FCRL4: variants seen among roughly 807,000 people sequenced by gnomAD.
FCRL4 encodes Fc receptor-like protein 4.
A neutral mutation model predicts 64.1 loss-of-function variants in FCRL4; 43 were observed. The ratio of observed to expected loss-of-function variants is 0.67; its 90% confidence interval spans 0.53 to 0.87. The LOEUF (loss-of-function observed/expected upper bound fraction) is 0.87. Among genes scored for constraint, FCRL4 ranks in the 40% least tolerant of loss-of-function variants. FCRL4 has a pLI of 0.00. For missense variants in FCRL4, 656 were observed against 613.5 expected, an observed-to-expected ratio of 1.07 and a Z score of -0.73; for synonymous variants, 253 against 239.8, an observed-to-expected ratio of 1.05 and a Z score of -0.51.
intron 2 of FCRL4, among the ~76,000 whole-genome samples, chr1:157,590,325 C>T (rs1435720660): frequency 1.3e-5 from 2 of 151,998 alleles, no homozygotes; most frequent in Non-Finnish European, 1.5e-5. Context: ...ATGAAATGCT[C>T]CAATGAGCAT....
chr1:157,590,678 C>A (rs537542828), intron 2 of FCRL4, among the ~76,000 whole-genome samples: 57 of 152,106 alleles, frequency 3.7e-4, no homozygotes, highest in African/African-American at 1.3e-3. Flanking sequence ...CCACCACACC[C>A]AGCTAATTTT....
At chr1:157,596,132 T>C (rs1571146813) in intron 2 of FCRL4, among the ~76,000 whole-genome samples, 196 bp downstream of exon 2, 1 of 152,072 alleles carries the variant, frequency 6.6e-6, no homozygotes, top group Admixed American at 6.6e-5. Context: ...ACAATGGCAG[T>C]TTTGGTTTAA....
In FCRL4 at chr1:157,586,433, G is replaced by A. The variant is rs370548436; in HGVS notation, c.870C>T (p.Leu290=). ...GGCCCCCTGAGGGCTGGGTCTCCAG[G>A]AGCACCCCAGACACAGGGATCCCTA... ...HVQRIPVSGV[L]LETQPSGGQA... The change falls in exon 6 of 12, where the codon CTC becomes CTT. Residue 290 remains leucine (L), a synonymous_variant. Coordinates refer to ENST00000271532, the MANE Select transcript of FCRL4 (RefSeq NM_031282.3). 1 of 1,610,462 alleles carries A rather than the reference G, an allele frequency of 6.2e-7. No individual in the cohort carries two copies. The highest frequency in any genetic ancestry group is 1.3e-5 in the African/African-American group (1 of 75,010).
chr1:157,595,626 A>G (rs1652944305), intron 2 of FCRL4, among the ~76,000 whole-genome samples: 1 of 152,202 alleles, frequency 6.6e-6, no homozygotes, highest in Non-Finnish European at 1.5e-5. Context: ...GCCAAGTTAT[A>G]ATCTTGTCTC....
intron 6 of FCRL4, 83 bp downstream of exon 6, chr1:157,586,085 C>A (rs943646935): frequency 2.3e-5 from 31 of 1,348,812 alleles, no homozygotes; most frequent in Non-Finnish European, 3.1e-5. Flanking sequence ...ACAGCAGAGT[C>A]ACAGGGTAAT....
At chr1:157,579,686 C>A (rs1384956889) in intron 8 of FCRL4, among the ~76,000 whole-genome samples, 1 of 149,526 alleles carries the variant, frequency 6.7e-6, no homozygotes, top group Non-Finnish European at 1.5e-5. Flanking sequence ...CACTGCACTC[C>A]AGCCTGGGTG....
intron 7 of FCRL4, among the ~76,000 whole-genome samples, chr1:157,581,313 A>G (rs555127790): frequency 2.0e-5 from 3 of 152,226 alleles, no homozygotes; most frequent in Non-Finnish European, 4.4e-5. Context: ...ACTGAGACTT[A>G]GCCAATCAGA....
Position 157,589,424 on chromosome 1 carries a change from A to G in FCRL4, c.87T>C (p.Pro29=), listed in dbSNP as rs755663043. The change falls in exon 3 of 12, where the codon CCT becomes CCC. Residue 29 remains proline (P), a synonymous_variant. Coordinates refer to ENST00000271532, the MANE Select transcript of FCRL4 (RefSeq NM_031282.3). ...CTCCTTTGAAGAATGTGGTCCATGG[A>G]GGATGGACGGAAATCACAGGTTTGT... ...AAHKPVISVH[P]PWTTFFKGER... The G allele has an allele frequency of 8.1e-6, 13 of 1,614,116 alleles. No individual in the cohort carries two copies. Among genetic ancestry groups the G allele is most frequent in the East Asian group, 2.2e-5 (1 of 44,876 alleles).
At position 157,596,155 on chromosome 1, in the gene FCRL4, C is replaced by A. The variant is rs1652959658; in HGVS notation, c.52+173G>T. 9.2e-5 allele frequency among the ~76,000 whole-genome samples: 14 copies of A among 152,256 alleles called. No homozygotes were observed. In the South Asian group the frequency reaches 2.9e-3, roughly 32 times the overall value. Reference sequence around the variant, plus strand: ...AGTTTTGGTTTAAGAGAGTCACCCCCAAATAGCCTGGTTCTTAGGGTCAGA... The same window carrying A: ...AGTTTTGGTTTAAGAGAGTCACCCCAAAATAGCCTGGTTCTTAGGGTCAGA... On this transcript the variant is annotated intron_variant, in intron 2 of 11. Coordinates refer to ENST00000271532, the MANE Select transcript of FCRL4 (RefSeq NM_031282.3).
In FCRL4 at chr1:157,575,683, G is replaced by A; in HGVS notation, c.1461+16C>T. On this transcript the variant is annotated intron_variant, in intron 11 of 11. Transcript: ENST00000271532. Reference sequence around the variant, plus strand: ...AGGTAATGGTGGAGATAAAACTGTGGGGAAATGAAACTCACCTTATCCTCT... The same window carrying A: ...AGGTAATGGTGGAGATAAAACTGTGAGGAAATGAAACTCACCTTATCCTCT... The A allele has an allele frequency of 5.6e-6, 9 of 1,613,640 alleles. No individual in the cohort carries two copies. Among genetic ancestry groups the A allele is most frequent in the Non-Finnish European group, 7.6e-6 (9 of 1,179,620 alleles).
intron 3 of FCRL4, 41 bp from the exon 4 acceptor site, chr1:157,588,160 C>T: frequency 6.4e-7 from 1 of 1,552,322 alleles, no homozygotes; most frequent in Non-Finnish European, 8.7e-7. Flanking sequence ...TCAAAGCATT[C>T]CTGCTATCTC....
intron 10 of FCRL4, among the ~76,000 whole-genome samples, chr1:157,576,250 T>C (rs1039048431): frequency 1.3e-5 from 2 of 152,122 alleles, no homozygotes; most frequent in Non-Finnish European, 2.9e-5. Context: ...ATATTAGAAA[T>C]TAAGAGTCTC....
intron 7 of FCRL4, among the ~76,000 whole-genome samples, chr1:157,581,246 C>T (rs763181204): frequency 6.6e-6 from 1 of 152,254 alleles, no homozygotes; most frequent in Non-Finnish European, 1.5e-5. Context: ...CCTAAGTAAA[C>T]TGTTCAGATA....
intron 10 of FCRL4, among the ~76,000 whole-genome samples, chr1:157,577,544 A>G (rs1464987564): frequency 6.6e-6 from 1 of 152,246 alleles, no homozygotes; most frequent in African/African-American, 2.4e-5. Context: ...CCAGTTTACC[A>G]CTAAGCTGTG....
chr1:157,596,482 A>T (rs2101689995), intron 1 of FCRL4, 134 bp from the exon 2 acceptor site: 1 of 1,016,578 alleles, frequency 9.8e-7, no homozygotes. Flanking sequence ...CATCCCAGGG[A>T]AGCGGGGAAA....
chr1:157,588,229 T>C, intron 3 of FCRL4, 110 bp from the exon 4 acceptor site: 1 of 1,333,198 alleles, frequency 7.5e-7, no homozygotes, highest in South Asian at 1.5e-5. Context: ...CAGGATGTAG[T>C]TTCCTGATCC....
intron 8 of FCRL4, among the ~76,000 whole-genome samples, chr1:157,579,526 A>C (rs966242393): frequency 2.6e-5 from 4 of 152,104 alleles, no homozygotes; most frequent in African/African-American, 4.8e-5. Flanking sequence ...AGACCAGCCC[A>C]GCCAACATTG....
intron 8 of FCRL4, 151 bp downstream of exon 8, chr1:157,580,170 C>G: frequency 1.2e-6 from 1 of 830,478 alleles, no homozygotes; most frequent in South Asian, 1.5e-5. Flanking sequence ...TTCTAGGAAG[C>G]TTCATTTTTG....
chr1:157,585,394 C>CTCTCTTTCTTTCTTT (rs1558155158), intron 6 of FCRL4, among the ~76,000 whole-genome samples: 1 of 76,006 alleles, frequency 1.3e-5, no homozygotes, highest in African/African-American at 4.6e-5. Flanking sequence ...TTCTTTCTTT[C>CTCTCTTTCTTTCTTT]CTTCTTTCTT....
Sources: gnomAD v4.1 joint callset for allele counts (sites outside exome capture counted in the v4.1 genomes callset) on GRCh38, gnomAD v4.1.1 for gene constraint, MANE v1.5 for transcripts, NCBI Gene and HGNC (gene_info 2026-07-23, HGNC 2026-07-21) for gene names.